CCDC7: variants seen among roughly 807,000 people sequenced by gnomAD.
CCDC7 encodes the protein coiled-coil domain containing 7.
A neutral mutation model predicts 196.9 loss-of-function variants in CCDC7; 183 were observed. That is an observed-to-expected ratio of 0.93 (90% CI 0.82 to 1.05). The LOEUF is 1.05. Among genes scored for constraint, CCDC7 ranks in the 50% least tolerant of loss-of-function variants. The probability of loss-of-function intolerance (pLI) is 0.00; values close to 1 mark genes in which losing one functional copy is unlikely to be tolerated. For missense variants in CCDC7, 1,540 were observed against 1,482.2 expected (o/e 1.04, Z -0.64); for synonymous variants, 525 against 484.6 (o/e 1.08, Z -1.10).
intron 28 of CCDC7, among the ~76,000 whole-genome samples, chr10:32,731,199 T>C (rs929335835): frequency 2.0e-5 from 3 of 152,146 alleles, no homozygotes; most frequent in Admixed American, 2.0e-4. Flanking sequence ...TCTCAGTCTC[T>C]AGTAAGGTCT....
chr10:32,640,235 T>C (rs769270184), intron 20 of CCDC7, among the ~76,000 whole-genome samples: 1 of 152,228 alleles, frequency 6.6e-6, no homozygotes, highest in Non-Finnish European at 1.5e-5. Context: ...CTGTATTGGG[T>C]GCATACATAT....
intron 28 of CCDC7, among the ~76,000 whole-genome samples, chr10:32,742,166 C>A (rs1333838039): frequency 6.6e-6 from 1 of 151,960 alleles, no homozygotes; most frequent in East Asian, 1.9e-4. Context: ...TTAAATATTC[C>A]ATTTTTATAA....
intron 13 of CCDC7, among the ~76,000 whole-genome samples, chr10:32,544,600 T>G (rs189231085): frequency 9.2e-4 from 140 of 152,256 alleles, no homozygotes; most frequent in African/African-American, 3.1e-3. Context: ...GAGCATCATA[T>G]CAGGAGTCAG....
At chr10:32,545,732 C>T (rs1048190388) in intron 13 of CCDC7, among the ~76,000 whole-genome samples, 9 of 151,824 alleles carry the variant, frequency 5.9e-5, no homozygotes, top group African/African-American at 1.7e-4. Context: ...ACGGCAAAAC[C>T]CTGTCTCTAC....
At chr10:32,756,136 G>A (rs777247598) in intron 28 of CCDC7, among the ~76,000 whole-genome samples, 14 of 152,232 alleles carry the variant, frequency 9.2e-5, no homozygotes, top group Non-Finnish European at 1.9e-4. Flanking sequence ...TCAGATTGTT[G>A]TACCTGAAAG....
In CCDC7 at chr10:32,565,638, TC is replaced by T. The variant is rs758569879; in HGVS notation, c.1197+19del. 6.3e-7 allele frequency: 1 copy of T among 1,596,912 alleles called. No individual in the cohort carries two copies. The highest frequency in any genetic ancestry group is 1.1e-5 in the South Asian group (1 of 87,628). ...CTTTACAGGTAAAGGATGTCATGTT[TC>T]TTTAACATTGTTAACAAGTAAAGAA... On this transcript the variant is annotated intron_variant, in intron 14 of 41. Transcript: ENST00000639629.
intron 29 of CCDC7, among the ~76,000 whole-genome samples, chr10:32,791,743 G>A (rs547783551): frequency 2.6e-5 from 4 of 152,158 alleles, no homozygotes; most frequent in Admixed American, 2.6e-4. Context: ...CATTAGGTTA[G>A]CAAACATTGA....
intron 25 of CCDC7, among the ~76,000 whole-genome samples, chr10:32,713,226 G>T (rs1411125103): frequency 6.6e-6 from 1 of 152,246 alleles, no homozygotes; most frequent in Non-Finnish European, 1.5e-5. Flanking sequence ...GGTCCTGTTT[G>T]TGGTGACCTC....
chr10:32,539,020 C>T (rs2050972134), intron 11 of CCDC7, among the ~76,000 whole-genome samples: 1 of 152,034 alleles, frequency 6.6e-6, no homozygotes, highest in Non-Finnish European at 1.5e-5. Context: ...GGGAGGAGTC[C>T]CTCCTCCTCA....
At chr10:32,708,027 C>T (rs2080104972) in intron 24 of CCDC7, among the ~76,000 whole-genome samples, 4 of 152,024 alleles carry the variant, frequency 2.6e-5, no homozygotes. Context: ...AATCCTAAGT[C>T]AAAAGAACAA....
At chr10:32,502,107 T>A (rs2044158896) in intron 9 of CCDC7, among the ~76,000 whole-genome samples, 1 of 152,178 alleles carries the variant, frequency 6.6e-6, no homozygotes, top group African/African-American at 2.4e-5. Flanking sequence ...CAGGTTGACC[T>A]TAGACTGCTG....
chr10:32,616,395 G>T (rs998246673), intron 18 of CCDC7, among the ~76,000 whole-genome samples: 1 of 151,656 alleles, frequency 6.6e-6, no homozygotes, highest in Non-Finnish European at 1.5e-5. Flanking sequence ...AATATTCCTT[G>T]ATATTTTATT....
At chr10:32,757,708 C>T (rs1226232789) in intron 28 of CCDC7, among the ~76,000 whole-genome samples, 1 of 152,054 alleles carries the variant, frequency 6.6e-6, no homozygotes, top group Admixed American at 6.5e-5. Context: ...GAAGCAAGAG[C>T]AAACACATTC....
intron 28 of CCDC7, among the ~76,000 whole-genome samples, chr10:32,761,997 C>T (rs72782272): frequency 0.086 from 13,013 of 151,938 alleles, 874 homozygotes; most frequent in South Asian, 0.25. Flanking sequence ...AGTGGTTGAG[C>T]GACTCCTACA....
At chr10:32,507,107 G>A (rs1472994100) in intron 9 of CCDC7, among the ~76,000 whole-genome samples, 2 of 151,564 alleles carry the variant, frequency 1.3e-5, no homozygotes, top group African/African-American at 4.9e-5. Context: ...ATTCTCCTGC[G>A]TCAGCCTCCT....
intron 29 of CCDC7, among the ~76,000 whole-genome samples, chr10:32,783,441 C>T (rs927279419): frequency 6.6e-6 from 1 of 151,980 alleles, no homozygotes; most frequent in Non-Finnish European, 1.5e-5. Flanking sequence ...AAATGCAAAC[C>T]AAAATCACAA....
chr10:32,607,186 A>G (rs1353458544), intron 18 of CCDC7, among the ~76,000 whole-genome samples: 4 of 152,248 alleles, frequency 2.6e-5, no homozygotes, highest in Middle Eastern at 3.4e-3. Context: ...GCCCTCTGCC[A>G]TGATTGTAAG....
intron 21 of CCDC7, among the ~76,000 whole-genome samples, chr10:32,664,691 T>C (rs1250816121): frequency 6.6e-6 from 1 of 152,032 alleles, no homozygotes; most frequent in Non-Finnish European, 1.5e-5. Flanking sequence ...TTTTTAAGGG[T>C]GATTTTCGTT....
At chr10:32,692,550 T>G (rs2077205522) in intron 23 of CCDC7, among the ~76,000 whole-genome samples, 1 of 152,132 alleles carries the variant, frequency 6.6e-6, no homozygotes, top group Admixed American at 6.5e-5. Flanking sequence ...ACCCTTCCAC[T>G]GAGAGTGTCC....
Sources: allele counts gnomAD v4.1 joint callset (sites outside exome capture counted in the v4.1 genomes callset), GRCh38; gene constraint gnomAD v4.1.1; transcripts MANE v1.5; gene names NCBI Gene and HGNC (gene_info 2026-07-23, HGNC 2026-07-21).